PAM: variants seen among roughly 807,000 people sequenced by gnomAD.
PAM encodes peptidylglycine alpha-amidating monooxygenase.
In PAM, 72 loss-of-function variants were observed where a neutral mutation model predicts 122.1. That is an observed-to-expected ratio of 0.59 (90% CI 0.49 to 0.72). The LOEUF (loss-of-function observed/expected upper bound fraction) is 0.72, where lower values mean the gene tolerates loss of function less well. PAM is among the 30% of genes least tolerant of loss of function. The probability of loss-of-function intolerance (pLI) is 0.00; values close to 1 mark genes in which losing one functional copy is unlikely to be tolerated. For synonymous variants in PAM, 389 were observed against 404.4 expected (o/e 0.96, Z 0.46); for missense variants, 1,106 against 1,183.7 (o/e 0.93, Z 0.96).
At chr5:102,787,397 C>G (rs1254118361) in intron 1 of PAM, among the ~76,000 whole-genome samples, 1 of 152,008 alleles carries the variant, frequency 6.6e-6, no homozygotes, top group African/African-American at 2.4e-5. Context: ...TTTCACTAAG[C>G]ACAGGAAATC....
chr5:102,801,048 G>C (rs1421867432), intron 1 of PAM, among the ~76,000 whole-genome samples: 1 of 151,926 alleles, frequency 6.6e-6, no homozygotes, highest in Admixed American at 6.6e-5. Flanking sequence ...ACTTGACAAT[G>C]GTTACAACTG....
intron 21 of PAM, among the ~76,000 whole-genome samples, chr5:103,016,498 C>G (rs1321237476): frequency 1.3e-5 from 2 of 152,152 alleles, no homozygotes; most frequent in Non-Finnish European, 2.9e-5. Flanking sequence ...TGGAGGCTTC[C>G]AGAGACAATG....
chr5:102,887,214 T>A (rs1386655099), intron 3 of PAM, among the ~76,000 whole-genome samples: 1 of 151,972 alleles, frequency 6.6e-6, no homozygotes, highest in East Asian at 1.9e-4. Context: ...ATGAATAGAT[T>A]AATGCCCTCA....
chr5:102,831,437 CTT>C (rs60621758), intron 1 of PAM, among the ~76,000 whole-genome samples: 101,666 of 148,810 alleles, frequency 0.68, 34,642 homozygotes, highest in South Asian at 0.82. Context: ...TTTTTTTTTC[CTT>C]TTTTTTTTTA....
intron 6 of PAM, among the ~76,000 whole-genome samples, chr5:102,925,866 A>G (rs1354059788): frequency 1.3e-5 from 2 of 152,138 alleles, no homozygotes; most frequent in Non-Finnish European, 2.9e-5. Context: ...TAACAGTAAG[A>G]CTAATAAGAA....
At chr5:102,913,464 G>A (rs560381463) in intron 4 of PAM, among the ~76,000 whole-genome samples, 20 of 151,656 alleles carry the variant, frequency 1.3e-4, no homozygotes, top group East Asian at 1.9e-4. Context: ...AGTGACTATC[G>A]TACTGTTGTT....
intron 7 of PAM, among the ~76,000 whole-genome samples, chr5:102,929,268 T>A (rs1183031962): frequency 3.3e-5 from 5 of 152,210 alleles, no homozygotes; most frequent in Admixed American, 3.3e-4. Flanking sequence ...AGGAATGTAT[T>A]CTGCTTTCAG....
At chr5:102,834,212 C>T (rs1330734703) in intron 1 of PAM, among the ~76,000 whole-genome samples, 3 of 151,908 alleles carry the variant, frequency 2.0e-5, no homozygotes, top group Non-Finnish European at 2.9e-5. Context: ...ACTTTTGTTC[C>T]TCATTATGAG....
chr5:102,990,899 T>C (rs1369671611), intron 16 of PAM, among the ~76,000 whole-genome samples: 1 of 152,210 alleles, frequency 6.6e-6, no homozygotes, highest in African/African-American at 2.4e-5. Flanking sequence ...GAAGAAATAG[T>C]AACTTGGCCT....
intron 1 of PAM, among the ~76,000 whole-genome samples, chr5:102,764,814 C>T (rs1022389386): frequency 1.3e-5 from 2 of 152,108 alleles, no homozygotes; most frequent in African/African-American, 4.8e-5. Flanking sequence ...GCTTGTCTGT[C>T]TTGTCAATGA....
intron 1 of PAM, among the ~76,000 whole-genome samples, chr5:102,839,320 T>C (rs919523899): frequency 6.6e-6 from 1 of 152,174 alleles, no homozygotes; most frequent in Non-Finnish European, 1.5e-5. Context: ...GGTATTTCTA[T>C]TCCTGGTACT....
chr5:102,940,969 A>G (rs1276132210), intron 7 of PAM, among the ~76,000 whole-genome samples: 3 of 152,342 alleles, frequency 2.0e-5, no homozygotes, highest in African/African-American at 7.2e-5. Flanking sequence ...CTTTAAAAAA[A>G]TAACTTTATC....
At chr5:102,922,628 C>A (rs1747831251) in intron 5 of PAM, among the ~76,000 whole-genome samples, 2 of 152,182 alleles carry the variant, frequency 1.3e-5, no homozygotes, top group African/African-American at 4.8e-5. Flanking sequence ...AGCCAGTTTT[C>A]TCTGTTATAT....
intron 3 of PAM, among the ~76,000 whole-genome samples, chr5:102,878,106 A>G (rs1789796431): frequency 6.6e-6 from 1 of 152,208 alleles, no homozygotes; most frequent in Non-Finnish European, 1.5e-5. Context: ...CTCTATAATT[A>G]TTAATACATA....
intron 4 of PAM, among the ~76,000 whole-genome samples, chr5:102,904,247 CTTTG>C (rs2151442599): frequency 6.6e-6 from 1 of 151,584 alleles, no homozygotes; most frequent in South Asian, 2.1e-4. Flanking sequence ...ACCCATAATA[CTTTG>C]TTCGTTCTTT....
At chr5:102,931,485 G>A (rs1561930814) in intron 7 of PAM, among the ~76,000 whole-genome samples, 1 of 152,176 alleles carries the variant, frequency 6.6e-6, no homozygotes, top group South Asian at 2.1e-4. Flanking sequence ...ATTCTCCTGA[G>A]ATTGTTGCTG....
chr5:102,805,239 T>C (rs552660449), intron 1 of PAM, among the ~76,000 whole-genome samples: 9 of 152,002 alleles, frequency 5.9e-5, no homozygotes, highest in African/African-American at 2.2e-4. Context: ...CTGGCTAATT[T>C]TTGTATTTTT....
chr5:102,991,353 G>A (rs1358991343), intron 16 of PAM, among the ~76,000 whole-genome samples: 1 of 152,098 alleles, frequency 6.6e-6, no homozygotes, highest in Non-Finnish European at 1.5e-5. Context: ...ATTCTTTTAA[G>A]TAATGAATAG....
Position 102,864,185 on chromosome 5 carries a change from T to TATATA in PAM, c.-373-1638_-373-1637insATATA, listed in dbSNP as rs34828967. 5.3e-4 allele frequency among the ~76,000 whole-genome samples: 61 copies of TATATA among 115,066 alleles called. 1 individual carries two copies. The highest frequency in any genetic ancestry group is 2.4e-3 in the African/African-American group (61 of 25,058). 75.5% of individuals were successfully genotyped at this position (115,066 alleles called of 152,430 possible). A position where few individuals can be genotyped will look rare whatever the true frequency, so the allele number is the denominator to read the frequency against. The stretch of plus-strand genomic sequence containing the variant: ...CTTCATATATATATATATATATATA[T>TATATA]TTTTTTTTTTTTTAAAGAACTTCAG... On this transcript the variant is annotated intron_variant, in intron 1 of 25. Transcript: ENST00000438793.
Sources: gnomAD v4.1 joint callset for allele counts (sites outside exome capture counted in the v4.1 genomes callset) on GRCh38, gnomAD v4.1.1 for gene constraint, MANE v1.5 for transcripts, NCBI Gene and HGNC (gene_info 2026-07-23, HGNC 2026-07-21) for gene names.